ATP2B1: variants seen among roughly 807,000 people sequenced by gnomAD.
The protein encoded by ATP2B1 is ATPase plasma membrane Ca2+ transporting 1, also known as plasma membrane calcium-transporting ATPase 1.
ATP2B1 carries 14 observed loss-of-function variants against 124.2 expected under a neutral mutation model. That is an observed-to-expected ratio of 0.11 (90% CI 0.07 to 0.18). The LOEUF (loss-of-function observed/expected upper bound fraction) is 0.18. ATP2B1 is among the 10% of genes least tolerant of loss of function. The pLI is 1.00. For synonymous variants in ATP2B1, 449 were observed against 492.4 expected (o/e 0.91, Z 1.17); for missense variants, 763 against 1,466.1 (o/e 0.52, Z 7.83).
rs538717201 is a variant in ATP2B1, at chr12:89,609,441, A to G, written c.2442+496T>C. On this transcript the variant is annotated intron_variant, in intron 15 of 20. Coordinates refer to ENST00000428670, the MANE Select transcript of ATP2B1 (RefSeq NM_001366521.1). ...AATAAAATGAAACTCAAAGAAAATA[A>G]AATACTTAAATTGAGGACTTTGGGG... Among the ~76,000 whole-genome samples the G allele has an allele frequency of 2.9e-4, 44 of 152,366 alleles. No individual in the cohort carries two copies. The South Asian group carries it at 9.1e-3, about 32-fold the overall frequency.
In ATP2B1 at chr12:89,677,961, TATATATATATACACAC is replaced by T. The variant is rs1461659937; in HGVS notation, c.-221-21870_-221-21855del. Among the ~76,000 whole-genome samples, 35 of 25,840 alleles carry T rather than the reference TATATATATATACACAC, an allele frequency of 1.4e-3. 1 individual carries two copies. The highest frequency in any genetic ancestry group is 2.1e-3 in the Admixed American group (4 of 1,948). 17.0% of individuals were successfully genotyped at this position (25,840 alleles called of 152,430 possible). On this transcript the variant is annotated intron_variant, in intron 1 of 20. Transcript: ENST00000428670. ...GTTGGGGGCATGCAGGAATTATATA[TATATATATATACACAC>T]ACACACACACACACACACACACACA...
At chr12:89,636,773 G>A (rs1321788760) in intron 3 of ATP2B1, among the ~76,000 whole-genome samples, 1 of 152,130 alleles carries the variant, frequency 6.6e-6, no homozygotes, top group African/African-American at 2.4e-5. Context: ...CCACCAGCAG[G>A]ATTCAACTGT....
intron 1 of ATP2B1, among the ~76,000 whole-genome samples, chr12:89,691,893 T>G (rs1283546135): frequency 6.6e-6 from 1 of 152,082 alleles, no homozygotes; most frequent in Non-Finnish European, 1.5e-5. Context: ...AAAGCTAGCT[T>G]AGACACAGAT....
intron 1 of ATP2B1, among the ~76,000 whole-genome samples, chr12:89,668,211 C>A (rs1887540166): frequency 6.6e-6 from 1 of 152,152 alleles, no homozygotes; most frequent in South Asian, 2.1e-4. Context: ...AAAATTTCAT[C>A]TTCTCAAATA....
intron 1 of ATP2B1, among the ~76,000 whole-genome samples, chr12:89,676,847 T>C (rs938911477): frequency 6.6e-6 from 1 of 152,106 alleles, no homozygotes; most frequent in Non-Finnish European, 1.5e-5. Flanking sequence ...AAAGAATAAT[T>C]CCCAAATTTA....
Position 89,708,838 on chromosome 12 carries a change from C to A in ATP2B1, c.-464G>T, listed in dbSNP as rs1892854637. 6.6e-6 allele frequency: 1 copy of A among 152,052 alleles called. No individual in the cohort carries two copies. Among genetic ancestry groups the A allele is most frequent in the African/African-American group, 2.4e-5 (1 of 41,372 alleles). 9.4% of individuals were successfully genotyped at this position (152,052 alleles called of 1,614,324 possible). ...GGGGCTCCCTACTCACGCTGCACTG[C>A]GAGGAGGCGGCGGCGGCAGCGAAGG... On this transcript the variant is annotated 5_prime_UTR_variant, in exon 1 of 21. Transcript: ENST00000428670.
At chr12:89,651,840 T>A (rs1243694286) in intron 2 of ATP2B1, among the ~76,000 whole-genome samples, 1 of 152,176 alleles carries the variant, frequency 6.6e-6, no homozygotes, top group Non-Finnish European at 1.5e-5. Context: ...ACTGCTTAAC[T>A]TTTTTGTCCT....
chr12:89,704,001 G>C (rs558422493), intron 1 of ATP2B1, among the ~76,000 whole-genome samples: 43 of 152,262 alleles, frequency 2.8e-4, no homozygotes, highest in African/African-American at 9.4e-4. Context: ...ATTAATGCTG[G>C]AGAACCACAC....
chr12:89,640,026 G>A (rs1453530221), intron 3 of ATP2B1, among the ~76,000 whole-genome samples: 6 of 152,108 alleles, frequency 3.9e-5, no homozygotes, highest in Non-Finnish European at 4.4e-5. Context: ...AAGATGATAT[G>A]ACTCCCCTTT....
intron 2 of ATP2B1, chr12:89,655,434 A>G (rs2136355908): frequency 2.1e-6 from 1 of 470,764 alleles, no homozygotes; most frequent in East Asian, 4.0e-5. Flanking sequence ...AGGAAGCAGT[A>G]GTATATATAA....
intron 3 of ATP2B1, chr12:89,641,870 T>C: frequency 3.8e-6 from 1 of 259,798 alleles, no homozygotes; most frequent in Non-Finnish European, 7.3e-6. Flanking sequence ...AAAACTGTGA[T>C]AGCAAAGACC....
intron 1 of ATP2B1, among the ~76,000 whole-genome samples, chr12:89,700,108 T>A (rs1300449506): frequency 6.6e-6 from 1 of 151,346 alleles, no homozygotes; most frequent in East Asian, 1.9e-4. Flanking sequence ...CCTGCTTCAG[T>A]CTCCCAAAGG....
At chr12:89,594,926 C>T (rs931868064) in intron 20 of ATP2B1, 3 of 151,904 alleles carry the variant, frequency 2.0e-5, no homozygotes, top group African/African-American at 4.8e-5. Context: ...TTTCTATGTG[C>T]ACTAACTTAA....
At chr12:89,656,597 C>T (rs1188112722) in intron 1 of ATP2B1, among the ~76,000 whole-genome samples, 1 of 152,152 alleles carries the variant, frequency 6.6e-6, no homozygotes, top group Non-Finnish European at 1.5e-5. Flanking sequence ...ATCTCTCTCT[C>T]CAAGTCTTTC....
intron 20 of ATP2B1, among the ~76,000 whole-genome samples, chr12:89,596,020 G>T (rs1442044597): frequency 6.6e-6 from 1 of 151,880 alleles, no homozygotes; most frequent in Non-Finnish European, 1.5e-5. Flanking sequence ...GCCTGGGATG[G>T]AAAAAAAGAT....
intron 19 of ATP2B1, among the ~76,000 whole-genome samples, chr12:89,600,355 T>C (rs1401021349): frequency 6.6e-6 from 1 of 152,222 alleles, no homozygotes; most frequent in Non-Finnish European, 1.5e-5. Flanking sequence ...TTAGATTTTC[T>C]ATAAATTAGT....
chr12:89,658,530 GT>G (rs35361273), intron 1 of ATP2B1, among the ~76,000 whole-genome samples: 35 of 145,464 alleles, frequency 2.4e-4, no homozygotes, highest in African/African-American at 7.6e-4. Context: ...TAATAAAACT[GT>G]TTTTTTTTAT....
chr12:89,637,527 A>G (rs961256567), intron 3 of ATP2B1, among the ~76,000 whole-genome samples: 1 of 151,470 alleles, frequency 6.6e-6, no homozygotes. Flanking sequence ...CCTCCCAAGT[A>G]GCTTAGACCA....
chr12:89,628,091 A>G (rs1881190769), intron 6 of ATP2B1, among the ~76,000 whole-genome samples: 1 of 152,002 alleles, frequency 6.6e-6, no homozygotes, highest in African/African-American at 2.4e-5. Flanking sequence ...GAGAGGGAGG[A>G]GGAAGGGATG....
Sources: allele counts gnomAD v4.1 joint callset (sites outside exome capture counted in the v4.1 genomes callset), GRCh38; gene constraint gnomAD v4.1.1; transcripts MANE v1.5; gene names NCBI Gene and HGNC (gene_info 2026-07-23, HGNC 2026-07-21).